Variants in IPO9 observed in about 807,000 individuals in gnomAD.
The protein encoded by IPO9 is importin 9.
A neutral mutation model predicts 128.6 loss-of-function variants in IPO9; 28 were observed. That is an observed-to-expected ratio of 0.22 (90% confidence interval 0.16 to 0.30). The LOEUF (loss-of-function observed/expected upper bound fraction) is 0.30. IPO9 is among the 10% of genes least tolerant of loss of function. IPO9 has a pLI of 1.00. For missense variants in IPO9, 935 were observed against 1,293.9 expected (o/e 0.72, Z 4.26); for synonymous variants, 455 against 475.8 (o/e 0.96, Z 0.57).
In IPO9 at chr1:201,880,008, C is replaced by A. The variant is rs1680855348; in HGVS notation, c.*3954C>A. 6.6e-6 allele frequency: 1 copy of A among 152,112 alleles called. No homozygotes were observed. The highest frequency in any genetic ancestry group is 6.6e-5 in the Admixed American group (1 of 15,262). The allele number at this position is 152,112 out of a possible 1,614,324, so 9.4% of individuals were successfully genotyped here. ...GAGTCGAGATCACACCATTGCACTCCAGCCTGGGCAACAGAGCAAGATTCT... is the reference window on the plus strand; with the variant it reads ...GAGTCGAGATCACACCATTGCACTCAAGCCTGGGCAACAGAGCAAGATTCT... On this transcript the variant is annotated 3_prime_UTR_variant, in exon 24 of 24. Coordinates refer to ENST00000361565, the MANE Select transcript of IPO9 (RefSeq NM_018085.5).
At position 201,883,034 on chromosome 1, in the gene IPO9, T is replaced by G. The variant is rs1410215005; in HGVS notation, c.*6980T>G. On this transcript the variant is annotated 3_prime_UTR_variant, in exon 24 of 24. Transcript: ENST00000361565. ...GAGGACAGCTCTGAGGAATGAATTG[T>G]AGCACTGCAGCCCTGCCTGAGGAAC... 6.6e-6 allele frequency: 1 copy of G among 152,642 alleles called. No homozygotes were observed. The highest frequency in any genetic ancestry group is 1.5e-5 in the Non-Finnish European group (1 of 68,048). The allele number at this position is 152,642 out of a possible 1,614,324, so 9.5% of individuals were successfully genotyped here.
At chr1:201,859,433 G>A (rs984337419) in intron 13 of IPO9, among the ~76,000 whole-genome samples, 13 of 151,664 alleles carry the variant, frequency 8.6e-5, no homozygotes, top group African/African-American at 2.9e-4. Context: ...CCAAATTGGC[G>A]TTCCCATTCA....
At position 201,880,841 on chromosome 1, in the gene IPO9, T is replaced by A. The variant is rs932615163; in HGVS notation, c.*4787T>A. ...GTACTTCAAGTATCCATACAATCAG[T>A]ACAGTATTCAATAAATTACATGAGA... On this transcript the variant is annotated 3_prime_UTR_variant, in exon 24 of 24. Coordinates refer to ENST00000361565, the MANE Select transcript of IPO9 (RefSeq NM_018085.5). 2.0e-5 allele frequency: 3 copies of A among 152,224 alleles called. No individual in the cohort carries two copies. Among genetic ancestry groups the A allele is most frequent in the Admixed American group, 2.0e-4 (3 of 15,278 alleles). The allele number at this position is 152,224 out of a possible 1,614,324, so 9.4% of individuals were successfully genotyped here. A position where few individuals can be genotyped will look rare whatever the true frequency, so the allele number is the denominator to read the frequency against.
chr1:201,854,591 T>G lies in IPO9; in HGVS notation c.691-4T>G. The G allele has an allele frequency of 6.2e-7, 1 of 1,613,544 alleles. No homozygotes were observed. The highest frequency in any genetic ancestry group is 8.5e-7 in the Non-Finnish European group (1 of 1,179,972). On this transcript the variant is annotated splice_polypyrimidine_tract_variant and splice_region_variant and intron_variant, in intron 6 of 23. Transcript: ENST00000361565. ...CCAGTATTGACTTTGGTTTCTGTTA[T>G]CAGGGTGCAGCCAAAGTCCTGATCT...
intron 4 of IPO9, among the ~76,000 whole-genome samples, 174 bp from the exon 5 acceptor site, chr1:201,851,930 A>G (rs1348879219): frequency 6.6e-6 from 1 of 152,140 alleles, no homozygotes; most frequent in Non-Finnish European, 1.5e-5. Flanking sequence ...TCTAACAAAT[A>G]ATCAGTAACT....
intron 6 of IPO9, 86 bp downstream of exon 6, chr1:201,853,183 C>T (rs550199267): frequency 1.6e-5 from 16 of 972,170 alleles, no homozygotes; most frequent in Middle Eastern, 4.3e-4. Context: ...GATAGCAGCA[C>T]GAAAAAGCAC....
At chr1:201,831,341 A>G (rs1300500048) in intron 1 of IPO9, among the ~76,000 whole-genome samples, 2 of 152,120 alleles carry the variant, frequency 1.3e-5, no homozygotes, top group African/African-American at 4.8e-5. Flanking sequence ...GTGACCTGAT[A>G]TTGGTGATCT....
At chr1:201,869,102 T>C (rs1680605770) in intron 16 of IPO9, among the ~76,000 whole-genome samples, 1 of 152,082 alleles carries the variant, frequency 6.6e-6, no homozygotes, top group Admixed American at 6.6e-5. Context: ...AATACAAAAA[T>C]TAGCCGGGCA....
At chr1:201,831,460 G>A (rs1679831219) in intron 1 of IPO9, among the ~76,000 whole-genome samples, 1 of 152,160 alleles carries the variant, frequency 6.6e-6, no homozygotes, top group East Asian at 1.9e-4. Context: ...TGTCTTTTAA[G>A]TAGTCTGGCT....
intron 13 of IPO9, among the ~76,000 whole-genome samples, chr1:201,859,270 A>G (rs1044786940): frequency 1.2e-4 from 18 of 149,618 alleles, no homozygotes; most frequent in African/African-American, 4.2e-4. Flanking sequence ...GGTAGGCCAG[A>G]TATTCTTGTG....
chr1:201,865,950 A>G (rs1680548093), intron 14 of IPO9, among the ~76,000 whole-genome samples: 1 of 152,182 alleles, frequency 6.6e-6, no homozygotes, highest in Admixed American at 6.5e-5. Flanking sequence ...AATGAACTTG[A>G]AACTGTACCG....
rs112498804 is a variant in IPO9 at position 201,858,680 on chromosome 1, CTT to C, written c.1328+128_1328+129del. The stretch of plus-strand genomic sequence containing the variant: ...TTAATTTAATAACAGATTTTAATCT[CTT>C]ATTATTAAAATTTCACTCTTTTCAG... On this transcript the variant is annotated intron_variant, in intron 12 of 23. Transcript: ENST00000361565. The C allele has an allele frequency of 9.0e-5, 71 of 792,284 alleles. 1 individual carries two copies. Among genetic ancestry groups the C allele is most frequent in the African/African-American group, 8.7e-4 (50 of 57,226 alleles). The allele number at this position is 792,284 out of a possible 1,614,324, so 49.1% of individuals were successfully genotyped here. A position where few individuals can be genotyped will look rare whatever the true frequency, so the allele number is the denominator to read the frequency against.
At position 201,883,700 on chromosome 1, in the gene IPO9, TAAC is replaced by T. The variant is rs1680932210; in HGVS notation, c.*7652_*7654del. 2.0e-5 allele frequency: 3 copies of T among 152,254 alleles called. No homozygotes were observed. The highest frequency in any genetic ancestry group is 7.2e-5 in the African/African-American group (3 of 41,460). The allele number at this position is 152,254 out of a possible 1,614,324, so 9.4% of individuals were successfully genotyped here. A position where few individuals can be genotyped will look rare whatever the true frequency, so the allele number is the denominator to read the frequency against. ...TTCTGGAGAGGGGAACAAACCATAA[TAAC>T]AACAAACCAGGTAGCAGGATAGAGA... On this transcript the variant is annotated 3_prime_UTR_variant, in exon 24 of 24. Transcript: ENST00000361565.
chr1:201,860,222 GC>G (rs1174299694), intron 13 of IPO9, among the ~76,000 whole-genome samples: 6 of 152,172 alleles, frequency 3.9e-5, no homozygotes, highest in African/African-American at 1.4e-4. Context: ...TCTGGGAGTA[GC>G]TTATGTCATT....
At chr1:201,862,027 G>A (rs2102883319) in intron 13 of IPO9, among the ~76,000 whole-genome samples, 1 of 152,296 alleles carries the variant, frequency 6.6e-6, no homozygotes, top group South Asian at 2.1e-4. Context: ...GAAATCATAG[G>A]TAATGCTAGA....
intron 18 of IPO9, 32 bp from the exon 19 acceptor site, chr1:201,871,129 T>A (rs748164779): frequency 5.6e-6 from 9 of 1,603,718 alleles, no homozygotes; most frequent in East Asian, 2.2e-5. Flanking sequence ...GAAATTGATT[T>A]CCCTGAAGCA....
At chr1:201,868,067 T>C (rs1420721110) in intron 15 of IPO9, among the ~76,000 whole-genome samples, 1 of 152,206 alleles carries the variant, frequency 6.6e-6, no homozygotes, top group East Asian at 1.9e-4. Context: ...CCTATATTTT[T>C]CCATACTAAA....
At chr1:201,874,789 C>A in intron 21 of IPO9, 43 bp from the exon 22 acceptor site, 1 of 1,363,102 alleles carries the variant, frequency 7.3e-7, no homozygotes, top group Non-Finnish European at 1.0e-6. Flanking sequence ...AGGGAAAATG[C>A]ATGAATGTGC....
Position 201,880,893 on chromosome 1 carries a change from C to T in IPO9, c.*4839C>T, listed in dbSNP as rs1183499461. ...ATTCAACACTTTATTATAAAATAGGCTTTGTGTTAGATGAGTTTGCCCAAC... is the reference window on the plus strand; with the variant it reads ...ATTCAACACTTTATTATAAAATAGGTTTTGTGTTAGATGAGTTTGCCCAAC... On this transcript the variant is annotated 3_prime_UTR_variant, in exon 24 of 24. Transcript: ENST00000361565. 1 of 152,168 alleles carries T rather than the reference C, an allele frequency of 6.6e-6. No individual in the cohort carries two copies. The highest frequency in any genetic ancestry group is 6.5e-5 in the Admixed American group (1 of 15,274). 9.4% of individuals were successfully genotyped at this position (152,168 alleles called of 1,614,324 possible). A position where few individuals can be genotyped will look rare whatever the true frequency, so the allele number is the denominator to read the frequency against.
Sources: allele counts gnomAD v4.1 joint callset (sites outside exome capture counted in the v4.1 genomes callset), GRCh38; gene constraint gnomAD v4.1.1; transcripts MANE v1.5; gene names NCBI Gene and HGNC (gene_info 2026-07-23, HGNC 2026-07-21).